CNTNAP2: variants seen among roughly 807,000 people sequenced by gnomAD.
CNTNAP2 encodes contactin-associated protein-like 2.
Under a neutral mutation model 155.2 loss-of-function variants are expected in CNTNAP2, and 98 were observed. The observed-to-expected ratio is 0.63, with a 90% confidence interval of 0.54 to 0.75. The LOEUF (loss-of-function observed/expected upper bound fraction) is 0.75. CNTNAP2 is among the 30% of genes least tolerant of loss of function. The pLI is 0.00. For missense variants in CNTNAP2, 1,727 were observed against 1,688.1 expected (o/e 1.02, Z -0.40); for synonymous variants, 651 against 631.2 (o/e 1.03, Z -0.47).
At chr7:147,667,834 A>G (rs1037624149) in intron 13 of CNTNAP2, among the ~76,000 whole-genome samples, 5 of 151,140 alleles carry the variant, frequency 3.3e-5, no homozygotes, top group African/African-American at 9.8e-5. Context: ...ATAAAAAAAT[A>G]AAAGATACCA....
At position 147,378,255 on chromosome 7, in the gene CNTNAP2, T is replaced by A. The variant is rs547465685; in HGVS notation, c.1499-17354T>A. ...CTGTAGCTTTGTCTCATCTGCTTAA[T>A]GCAACTAATGAGAGGTTTTTTTCTT... is the stretch of plus-strand genomic sequence containing the variant. On this transcript the variant is annotated intron_variant, in intron 9 of 23. Coordinates refer to ENST00000361727, the MANE Select transcript of CNTNAP2 (RefSeq NM_014141.6). The A allele has an allele frequency of 4.9e-5, 12 of 243,804 alleles. No homozygotes were observed. In the South Asian group the frequency reaches 5.1e-4, roughly 10 times the overall value. 15.1% of individuals were successfully genotyped at this position (243,804 alleles called of 1,614,324 possible).
intron 3 of CNTNAP2, among the ~76,000 whole-genome samples, chr7:147,007,268 C>T (rs925751409): frequency 1.3e-5 from 2 of 152,090 alleles, no homozygotes; most frequent in African/African-American, 4.8e-5. Context: ...TAAGCCTAAC[C>T]ATAAGCCCAG....
intron 21 of CNTNAP2, among the ~76,000 whole-genome samples, chr7:148,273,377 G>T (rs1796816524): frequency 6.6e-6 from 1 of 152,202 alleles, no homozygotes; most frequent in African/African-American, 2.4e-5. Context: ...CATGATGATA[G>T]ATATGAATTT....
intron 12 of CNTNAP2, among the ~76,000 whole-genome samples, chr7:147,580,637 A>G (rs1800482033): frequency 1.4e-5 from 2 of 146,712 alleles, no homozygotes; most frequent in Admixed American, 1.4e-4. Context: ...TTTTTTTGAG[A>G]CGGAATCTTG....
chr7:146,616,727 T>A, intron 1 of CNTNAP2, among the ~76,000 whole-genome samples: 1 of 152,208 alleles, frequency 6.6e-6, no homozygotes, highest in Non-Finnish European at 1.5e-5. Flanking sequence ...TAATGTCAAC[T>A]TTCCCACTGC....
chr7:147,104,873 CATATATATATATAT>C lies in CNTNAP2; in HGVS notation c.551-3243_551-3230del, dbSNP rs56674675. Reference sequence around the variant, plus strand: ...TCTTTATTCTTCTCCCTTCCTCCCTCATATATATATATATATATATATATATATATATATATATA... The same window carrying C: ...TCTTTATTCTTCTCCCTTCCTCCCTCATATATATATATATATATATATATA... On this transcript the variant is annotated intron_variant, in intron 4 of 23. Transcript: ENST00000361727. Among the ~76,000 whole-genome samples the C allele has an allele frequency of 8.4e-3, 856 of 101,422 alleles. 4 individuals carry two copies. Among genetic ancestry groups the C allele is most frequent in the African/African-American group, 0.015 (475 of 30,690 alleles). The allele number at this position is 101,422 out of a possible 152,430, so 66.5% of individuals were successfully genotyped here.
At chr7:146,218,267 T>C (rs911934479) in intron 1 of CNTNAP2, among the ~76,000 whole-genome samples, 1 of 152,090 alleles carries the variant, frequency 6.6e-6, no homozygotes, top group African/African-American at 2.4e-5. Context: ...CCCAGCACTT[T>C]GGGAGGCCGA....
intron 11 of CNTNAP2, among the ~76,000 whole-genome samples, chr7:147,533,240 C>CA: frequency 6.6e-6 from 1 of 152,232 alleles, no homozygotes; most frequent in South Asian, 2.1e-4. Flanking sequence ...ACTGCAAATT[C>CA]AAAGATAATG....
At chr7:148,383,610 G>C in intron 21 of CNTNAP2, 39 bp from the exon 22 acceptor site, 1 of 1,614,140 alleles carries the variant, frequency 6.2e-7, no homozygotes, top group Non-Finnish European at 8.5e-7. Flanking sequence ...CTGGACTATG[G>C]TGAGTCAAGT....
At chr7:148,256,253 G>A (rs1796451643) in intron 20 of CNTNAP2, among the ~76,000 whole-genome samples, 2 of 152,084 alleles carry the variant, frequency 1.3e-5, no homozygotes, top group Admixed American at 1.3e-4. Flanking sequence ...ACCTTCAAGT[G>A]GTACCCTAGA....
intron 2 of CNTNAP2, among the ~76,000 whole-genome samples, chr7:146,797,226 T>C (rs1005187052): frequency 3.3e-5 from 5 of 152,194 alleles, no homozygotes; most frequent in African/African-American, 1.2e-4. Context: ...TTATTAGTTT[T>C]CTGTTGGGAC....
At chr7:147,444,604 A>G (rs1374619381) in intron 10 of CNTNAP2, among the ~76,000 whole-genome samples, 1 of 138,846 alleles carries the variant, frequency 7.2e-6, no homozygotes, top group Non-Finnish European at 1.5e-5. Flanking sequence ...TTATTTTTTT[A>G]GGTTGTTGGA....
At chr7:146,419,432 T>C (rs76247152) in intron 1 of CNTNAP2, among the ~76,000 whole-genome samples, 1 of 152,218 alleles carries the variant, frequency 6.6e-6, no homozygotes, top group East Asian at 1.9e-4. Flanking sequence ...ATTTTTCTTG[T>C]GTAAGCCACC....
At chr7:147,235,071 C>T (rs1803768338) in intron 8 of CNTNAP2, among the ~76,000 whole-genome samples, 1 of 152,092 alleles carries the variant, frequency 6.6e-6, no homozygotes, top group South Asian at 2.1e-4. Context: ...GCAGAAGGGG[C>T]TCCCCATTGT....
At chr7:147,281,732 A>G (rs1438849298) in intron 8 of CNTNAP2, among the ~76,000 whole-genome samples, 1 of 151,884 alleles carries the variant, frequency 6.6e-6, no homozygotes, top group African/African-American at 2.4e-5. Flanking sequence ...TTCAAGAAGA[A>G]TATTTCTTAA....
intron 1 of CNTNAP2, among the ~76,000 whole-genome samples, chr7:146,591,932 C>T (rs1798789323): frequency 6.6e-6 from 1 of 152,200 alleles, no homozygotes; most frequent in African/African-American, 2.4e-5. Flanking sequence ...TTTCAATATC[C>T]TTCTCCTCCA....
intron 1 of CNTNAP2, among the ~76,000 whole-genome samples, chr7:146,320,495 G>A (rs1442734137): frequency 6.6e-6 from 1 of 152,228 alleles, no homozygotes. Context: ...CTCTTGAAAT[G>A]TTTCATTTAT....
intron 1 of CNTNAP2, among the ~76,000 whole-genome samples, chr7:146,613,549 G>T (rs1027101527): frequency 1.1e-4 from 16 of 152,018 alleles, no homozygotes; most frequent in Admixed American, 3.9e-4. Flanking sequence ...AATCCAGTGT[G>T]TCGAAAGAGT....
At chr7:146,686,021 GCATGATGGCTCACACCTGTAAT>G (rs1429575117) in intron 1 of CNTNAP2, among the ~76,000 whole-genome samples, 2 of 152,090 alleles carry the variant, frequency 1.3e-5, no homozygotes, top group Non-Finnish European at 2.9e-5. Flanking sequence ...TCCAGGTGAG[GCATGATGGCTCACACCTGTAAT>G]CCCAGCACTT....
Sources: allele counts gnomAD v4.1 joint callset (sites outside exome capture counted in the v4.1 genomes callset), GRCh38; gene constraint gnomAD v4.1.1; transcripts MANE v1.5; gene names NCBI Gene and HGNC (gene_info 2026-07-23, HGNC 2026-07-21).